PCDH15: variants seen among roughly 807,000 people sequenced by gnomAD.
The protein encoded by PCDH15 is protocadherin-15.
PCDH15 carries 129 observed loss-of-function variants against 178.5 expected under a neutral mutation model. The observed-to-expected ratio is 0.72, with a 90% CI of 0.63 to 0.84. The LOEUF (loss-of-function observed/expected upper bound fraction) is 0.84. PCDH15 is among the 40% of genes least tolerant of loss of function. PCDH15 has a pLI of 0.00. For missense variants in PCDH15, 2,230 were observed against 2,099.9 expected, an observed-to-expected ratio of 1.06 and a Z score of -1.21; for synonymous variants, 800 against 732.0, an observed-to-expected ratio of 1.09 and a Z score of -1.50.
At chr10:54,428,197 A>G (rs1413242897) in intron 3 of PCDH15, among the ~76,000 whole-genome samples, 1 of 152,136 alleles carries the variant, frequency 6.6e-6, no homozygotes, top group Non-Finnish European at 1.5e-5. Context: ...ACTAAAATGA[A>G]CTAACCTGCC....
In PCDH15 at chr10:54,672,285, C is replaced by T. The variant is rs548352163; in HGVS notation, c.-28-7995G>A. ...AATGCACCTAAATCATCCCAAACCA[C>T]TCTCCTGCTCCCAGCCCCAGGTCGG... On this transcript the variant is annotated intron_variant, in intron 1 of 37. Transcript: ENST00000644397. 2.6e-4 allele frequency among the ~76,000 whole-genome samples: 39 copies of T among 152,066 alleles called. No homozygotes were observed. In the South Asian group the frequency reaches 8.1e-3, roughly 31 times the overall value.
chr10:54,992,339 C>T (rs1336936905), intron 2 of PCDH15, among the ~76,000 whole-genome samples: 1 of 152,178 alleles, frequency 6.6e-6, no homozygotes, highest in Non-Finnish European at 1.5e-5. Context: ...GAGGCAATAA[C>T]TTCGTAACGA....
At chr10:55,147,854 T>A (rs1426650638) in intron 2 of PCDH15, among the ~76,000 whole-genome samples, 2 of 151,656 alleles carry the variant, frequency 1.3e-5, no homozygotes, top group Non-Finnish European at 3.0e-5. Flanking sequence ...TTCCTGTCTA[T>A]CTTTCTGTTT....
intron 3 of PCDH15, among the ~76,000 whole-genome samples, chr10:54,447,362 G>T (rs2076205976): frequency 6.6e-6 from 1 of 151,518 alleles, no homozygotes; most frequent in African/African-American, 2.4e-5. Flanking sequence ...CTGGAATTTT[G>T]TGTCTTTTGA....
At chr10:55,097,654 T>G (rs1304613585) in intron 2 of PCDH15, among the ~76,000 whole-genome samples, 1 of 151,994 alleles carries the variant, frequency 6.6e-6, no homozygotes. Context: ...CTAAGCACAA[T>G]TAAGGTTTTC....
intron 3 of PCDH15, among the ~76,000 whole-genome samples, chr10:54,480,122 G>A (rs557021798): frequency 1.6e-4 from 25 of 152,150 alleles, no homozygotes; most frequent in African/African-American, 6.0e-4. Context: ...GTAGAATCAC[G>A]ATCAAGTGAT....
At chr10:54,641,630 G>A (rs1015182208) in intron 2 of PCDH15, among the ~76,000 whole-genome samples, 2 of 151,716 alleles carry the variant, frequency 1.3e-5, no homozygotes, top group Non-Finnish European at 2.9e-5. Context: ...CTGTGTGCAT[G>A]CACATTTTTC....
At chr10:54,418,247 G>A (rs1240572447) in intron 3 of PCDH15, among the ~76,000 whole-genome samples, 1 of 152,068 alleles carries the variant, frequency 6.6e-6, no homozygotes, top group Non-Finnish European at 1.5e-5. Flanking sequence ...ACTAAATGGT[G>A]TGTATATGGG....
chr10:53,973,671 AG>A (rs1330670706), intron 21 of PCDH15, among the ~76,000 whole-genome samples: 4 of 152,172 alleles, frequency 2.6e-5, no homozygotes, highest in Admixed American at 2.0e-4. Flanking sequence ...AAAAATCTTG[AG>A]GTCATTAGTT....
At chr10:55,572,617 A>G (rs915397209) in intron 2 of PCDH15, among the ~76,000 whole-genome samples, 11 of 152,072 alleles carry the variant, frequency 7.2e-5, no homozygotes, top group African/African-American at 2.4e-4. Flanking sequence ...AAGCAAATAC[A>G]GAATATGTCA....
chr10:53,981,181 A>G, intron 21 of PCDH15, among the ~76,000 whole-genome samples: 1 of 152,204 alleles, frequency 6.6e-6, no homozygotes, highest in East Asian at 1.9e-4. Context: ...ATGAATGTAA[A>G]TTTACACCAA....
At chr10:55,118,024 TTGA>T (rs1236362495) in intron 2 of PCDH15, among the ~76,000 whole-genome samples, 1 of 152,058 alleles carries the variant, frequency 6.6e-6, no homozygotes, top group Admixed American at 6.6e-5. Context: ...AAGAAGAAGT[TTGA>T]TGTCTAAGTG....
chr10:55,174,373 C>T (rs944297622), intron 1 of PCDH15, among the ~76,000 whole-genome samples: 1 of 152,246 alleles, frequency 6.6e-6, no homozygotes, highest in South Asian at 2.1e-4. Context: ...AACTTCTATC[C>T]TCATCTTACC....
rs553399087 is a variant in PCDH15 at position 54,703,638 on chromosome 10, A to G, written c.-28-39348T>C. ...GGTAATTGCTTTCACAATAGTCACA[A>G]AAACGTAAAATACCTAAAAATATAG... On this transcript the variant is annotated intron_variant, in intron 1 of 37. Coordinates refer to ENST00000644397, the MANE Select transcript of PCDH15 (RefSeq NM_001384140.1). 5.9e-5 allele frequency among the ~76,000 whole-genome samples: 9 copies of G among 152,222 alleles called. No individual in the cohort carries two copies. In the South Asian group the frequency reaches 8.3e-4, roughly 14 times the overall value.
chr10:54,150,157 T>C (rs901803774), intron 14 of PCDH15, among the ~76,000 whole-genome samples: 1 of 152,050 alleles, frequency 6.6e-6, no homozygotes, highest in Non-Finnish European at 1.5e-5. Flanking sequence ...GAAAATTTAT[T>C]GGGAAGAGAC....
intron 2 of PCDH15, among the ~76,000 whole-genome samples, chr10:55,397,710 T>A (rs1241126768): frequency 6.6e-6 from 1 of 151,960 alleles, no homozygotes; most frequent in Non-Finnish European, 1.5e-5. Flanking sequence ...CTCAGCCTCC[T>A]GAGTAGCTGG....
chr10:54,215,967 C>T (rs61858791), intron 9 of PCDH15, among the ~76,000 whole-genome samples: 38,656 of 135,830 alleles, frequency 0.28, 6,055 homozygotes, highest in Middle Eastern at 0.41. Context: ...GGCGTGAACC[C>T]GGGAGGCGGA....
intron 2 of PCDH15, among the ~76,000 whole-genome samples, chr10:55,160,138 A>G (rs568514580): frequency 1.8e-4 from 27 of 152,114 alleles, no homozygotes; most frequent in African/African-American, 6.3e-4. Flanking sequence ...TAAAATATCA[A>G]TGTAAAAATT....
chr10:55,054,032 G>A (rs1048309220), intron 2 of PCDH15, among the ~76,000 whole-genome samples: 1 of 152,098 alleles, frequency 6.6e-6, no homozygotes, highest in Non-Finnish European at 1.5e-5. Flanking sequence ...TGTTATATAG[G>A]TAAGCTTGTG....
Sources: gnomAD v4.1 joint callset for allele counts (sites outside exome capture counted in the v4.1 genomes callset) on GRCh38, gnomAD v4.1.1 for gene constraint, MANE v1.5 for transcripts, NCBI Gene and HGNC (gene_info 2026-07-23, HGNC 2026-07-21) for gene names.